NALF1: variants seen among roughly 807,000 people sequenced by gnomAD.
NALF1 encodes NALCN channel auxiliary factor 1.
In NALF1, 3 loss-of-function variants were observed where a neutral mutation model predicts 48.4. The observed-to-expected ratio is 0.06, with a 90% CI of 0.03 to 0.16. The LOEUF is 0.16. NALF1 is among the 10% of genes least tolerant of loss of function. NALF1 has a pLI of 1.00. For synonymous variants in NALF1, 262 were observed against 245.7 expected (o/e 1.07, Z -0.62); for missense variants, 526 against 571.5 (o/e 0.92, Z 0.81).
chr13:107,723,313 C>G (rs146766670), intron 1 of NALF1, among the ~76,000 whole-genome samples: 1 of 152,102 alleles, frequency 6.6e-6, no homozygotes, highest in Non-Finnish European at 1.5e-5. Flanking sequence ...AGAAGTTTGA[C>G]CTGGCTTGCA....
intron 1 of NALF1, among the ~76,000 whole-genome samples, chr13:107,389,501 G>A (rs1415853609): frequency 1.3e-5 from 2 of 152,166 alleles, no homozygotes; most frequent in African/African-American, 4.8e-5. Context: ...GAAGCTCTCA[G>A]GAATCGATTC....
At chr13:107,338,055 C>A (rs2138931032) in intron 1 of NALF1, among the ~76,000 whole-genome samples, 1 of 152,260 alleles carries the variant, frequency 6.6e-6, no homozygotes, top group East Asian at 1.9e-4. Context: ...ATGATGTGTG[C>A]ATTTGCGTAT....
chr13:107,818,097 A>G (rs933555806), intron 1 of NALF1, among the ~76,000 whole-genome samples: 2 of 152,152 alleles, frequency 1.3e-5, no homozygotes, highest in East Asian at 1.9e-4. Context: ...ATTTTCTTCT[A>G]TGCTGTCTTC....
Position 107,358,165 on chromosome 13 carries a change from C to CGTGT in NALF1, c.916-147411_916-147410insACAC, listed in dbSNP as rs767728404. ...GTTTATACCTATTTTATATACGTAA[C>CGTGT]ATATGTGTGTGTGTGTGTGTGTGTG... On this transcript the variant is annotated intron_variant, in intron 1 of 2. Transcript: ENST00000375915. 3.0e-3 allele frequency among the ~76,000 whole-genome samples: 335 copies of CGTGT among 112,934 alleles called. 2 individuals are homozygous for CGTGT. Among genetic ancestry groups the CGTGT allele is most frequent in the African/African-American group, 8.7e-3 (310 of 35,432 alleles). The allele number at this position is 112,934 out of a possible 152,430, so 74.1% of individuals were successfully genotyped here. A position where few individuals can be genotyped will look rare whatever the true frequency, so the allele number is the denominator to read the frequency against.
At chr13:107,834,207 T>C (rs1299597322) in intron 1 of NALF1, among the ~76,000 whole-genome samples, 4 of 152,210 alleles carry the variant, frequency 2.6e-5, no homozygotes, top group African/African-American at 7.2e-5. Flanking sequence ...ATGCAAATAC[T>C]ATGCCATGTT....
chr13:107,545,067 T>G (rs1422493160), intron 1 of NALF1, among the ~76,000 whole-genome samples: 2 of 152,154 alleles, frequency 1.3e-5, no homozygotes, highest in African/African-American at 4.8e-5. Context: ...TCCTAACCCT[T>G]AGTACATATA....
intron 1 of NALF1, among the ~76,000 whole-genome samples, chr13:107,849,506 G>A (rs534304018): frequency 5.3e-5 from 8 of 152,264 alleles, no homozygotes; most frequent in South Asian, 4.1e-4. Flanking sequence ...GGACTCAACC[G>A]AGACTGTATG....
At position 107,279,266 on chromosome 13, in the gene NALF1, T is replaced by A. The variant is rs190509864; in HGVS notation, c.916-68511A>T. Among the ~76,000 whole-genome samples the A allele has an allele frequency of 4.5e-4, 69 of 152,222 alleles. 1 individual carries two copies. Among genetic ancestry groups the A allele is most frequent in the Non-Finnish European group, 7.8e-4 (53 of 67,998 alleles). ...TTCTCTCTGTTTTTTTTGTTTTGTTTTTCTTTGAGATGGAGTTTCATTCTT... is the reference window on the plus strand; with the variant it reads ...TTCTCTCTGTTTTTTTTGTTTTGTTATTCTTTGAGATGGAGTTTCATTCTT... On this transcript the variant is annotated intron_variant, in intron 1 of 2. Coordinates refer to ENST00000375915, the MANE Select transcript of NALF1 (RefSeq NM_001080396.3).
intron 1 of NALF1, among the ~76,000 whole-genome samples, chr13:107,357,435 A>G (rs1314086427): frequency 6.6e-6 from 1 of 152,136 alleles, no homozygotes; most frequent in Non-Finnish European, 1.5e-5. Flanking sequence ...ACAATTCAAG[A>G]TAAGATTTGG....
chr13:107,367,551 G>A (rs1328714068), intron 1 of NALF1, among the ~76,000 whole-genome samples: 2 of 152,188 alleles, frequency 1.3e-5, no homozygotes, highest in African/African-American at 4.8e-5. Flanking sequence ...GAAGTGGCCT[G>A]AGTGTTGCTC....
rs566714487 is a variant in NALF1 at position 107,777,713 on chromosome 13, C to T, written c.915+87969G>A. On this transcript the variant is annotated intron_variant, in intron 1 of 2. Coordinates refer to ENST00000375915, the MANE Select transcript of NALF1 (RefSeq NM_001080396.3). The stretch of plus-strand genomic sequence containing the variant: ...AGCCAATTAAACCCTTTTTCTTTAC[C>T]CAGCCTCAGGTATTTCTTTGTAGCA... Among the ~76,000 whole-genome samples, 3 of 152,182 alleles carry T rather than the reference C, an allele frequency of 2.0e-5. No homozygotes were observed. In the South Asian group the frequency reaches 6.2e-4, roughly 32 times the overall value.
chr13:107,659,572 C>T (rs1594189809), intron 1 of NALF1, among the ~76,000 whole-genome samples: 1 of 151,382 alleles, frequency 6.6e-6, no homozygotes, highest in Non-Finnish European at 1.5e-5. Context: ...GCCTATCTCT[C>T]GTATTAAATA....
At chr13:107,411,061 T>C (rs1374775206) in intron 1 of NALF1, among the ~76,000 whole-genome samples, 3 of 152,104 alleles carry the variant, frequency 2.0e-5, no homozygotes, top group African/African-American at 7.2e-5. Context: ...ATTTAGGATG[T>C]GGAAATAATA....
At chr13:107,177,876 C>T (rs1275296047) in intron 2 of NALF1, among the ~76,000 whole-genome samples, 1 of 152,136 alleles carries the variant, frequency 6.6e-6, no homozygotes. Context: ...ATGGTGAAAC[C>T]TCATCTCTAC....
chr13:107,692,100 A>G (rs1317836391), intron 1 of NALF1, among the ~76,000 whole-genome samples: 2 of 152,202 alleles, frequency 1.3e-5, no homozygotes, highest in Admixed American at 6.5e-5. Context: ...AATTACTTAC[A>G]TTAAGAAGAG....
intron 1 of NALF1, among the ~76,000 whole-genome samples, chr13:107,265,873 A>G (rs982721648): frequency 6.6e-6 from 1 of 152,230 alleles, no homozygotes; most frequent in African/African-American, 2.4e-5. Context: ...AAAGTATCTC[A>G]TAAAGAAATC....
intron 1 of NALF1, among the ~76,000 whole-genome samples, chr13:107,474,751 T>G (rs554281497): frequency 6.6e-6 from 1 of 152,180 alleles, no homozygotes; most frequent in East Asian, 1.9e-4. Flanking sequence ...TAGAGACAGA[T>G]CCTACCATGG....
At chr13:107,370,703 G>T (rs4447273) in intron 1 of NALF1, among the ~76,000 whole-genome samples, 88,667 of 152,016 alleles carry the variant, frequency 0.58, 26,288 homozygotes, top group East Asian at 0.74. Flanking sequence ...CTCATGCTGC[G>T]AACAAAAACA....
In NALF1 at chr13:107,170,658, C is replaced by T; in HGVS notation, c.1216G>A (p.Val406Met). 6.2e-7 allele frequency: 1 copy of T among 1,614,192 alleles called. No individual in the cohort carries two copies. Among genetic ancestry groups the T allele is most frequent in the East Asian group, 2.2e-5 (1 of 44,878 alleles). ...SGSCHRTSLT[V>M]SSATRLCNSR... ...TTGCACAGTCTTGTTGCTGATGACA[C>T]TGTGAGCGATGTCCTGTGACAGGAG... The change falls in exon 3 of 3, where the codon GTG (valine) becomes ATG (methionine). Residue 406 changes from valine to methionine, a missense_variant. By Grantham distance (21) the Val-to-Met change is conservative. Coordinates refer to ENST00000375915, the MANE Select transcript of NALF1 (RefSeq NM_001080396.3).
Sources: allele counts gnomAD v4.1 joint callset (sites outside exome capture counted in the v4.1 genomes callset), GRCh38; gene constraint gnomAD v4.1.1; transcripts MANE v1.5; gene names NCBI Gene and HGNC (gene_info 2026-07-23, HGNC 2026-07-21).